Variants in ZNF385D observed in about 807,000 individuals in gnomAD.
The protein encoded by ZNF385D is zinc finger protein 659.
A neutral mutation model predicts 35.8 loss-of-function variants in ZNF385D; 15 were observed. That is an observed-to-expected ratio of 0.42 (90% confidence interval 0.28 to 0.64). The LOEUF is 0.64. ZNF385D is among the 30% of genes least tolerant of loss of function. The pLI is 0.23. For synonymous variants in ZNF385D, 212 were observed against 186.8 expected (o/e 1.13, Z -1.10); for missense variants, 474 against 494.6 (o/e 0.96, Z 0.39).
At chr3:22,346,150 T>G (rs1695650137) in intron 2 of ZNF385D, among the ~76,000 whole-genome samples, 1 of 152,226 alleles carries the variant, frequency 6.6e-6, no homozygotes, top group South Asian at 2.1e-4. Context: ...TATTTTCATA[T>G]TTCCCACTCC....
intron 4 of ZNF385D, among the ~76,000 whole-genome samples, chr3:21,484,843 C>A (rs146935741): frequency 1.8e-3 from 269 of 152,274 alleles, no homozygotes; most frequent in Middle Eastern, 0.01. Flanking sequence ...TGTCTTGGGA[C>A]TATTTTGTCT....
At chr3:21,456,340 C>G (rs530581621) in intron 4 of ZNF385D, among the ~76,000 whole-genome samples, 7 of 152,102 alleles carry the variant, frequency 4.6e-5, no homozygotes, top group Admixed American at 1.3e-4. Context: ...CTAACCCAAA[C>G]GTCCAACAAT....
intron 3 of ZNF385D, among the ~76,000 whole-genome samples, chr3:22,149,433 G>A (rs1705082657): frequency 6.6e-6 from 1 of 152,158 alleles, no homozygotes; most frequent in African/African-American, 2.4e-5. Context: ...ACATAGGGCA[G>A]TGATTCTTAA....
At chr3:21,912,437 T>C (rs973713485) in intron 3 of ZNF385D, among the ~76,000 whole-genome samples, 1 of 152,064 alleles carries the variant, frequency 6.6e-6, no homozygotes, top group Admixed American at 6.6e-5. Context: ...GAGTACCAGA[T>C]ACCTGCTTGA....
intron 3 of ZNF385D, among the ~76,000 whole-genome samples, chr3:21,766,885 T>C (rs946024604): frequency 2.0e-5 from 3 of 152,084 alleles, no homozygotes; most frequent in African/African-American, 7.2e-5. Context: ...TTTGTGGCTA[T>C]GGGTAAAGAA....
chr3:21,858,528 C>G (rs1320064172), intron 3 of ZNF385D, among the ~76,000 whole-genome samples: 2 of 150,406 alleles, frequency 1.3e-5, no homozygotes, highest in Non-Finnish European at 2.9e-5. Context: ...AAAGAGGACC[C>G]AAAGAATTTG....
chr3:21,892,699 CT>C (rs770675051), intron 3 of ZNF385D, among the ~76,000 whole-genome samples: 60 of 152,204 alleles, frequency 3.9e-4, no homozygotes, highest in Non-Finnish European at 6.6e-4. Flanking sequence ...GACATTCACT[CT>C]CTCCACCAGT....
chr3:21,780,284 G>C (rs1335877000), intron 3 of ZNF385D, among the ~76,000 whole-genome samples: 2 of 151,856 alleles, frequency 1.3e-5, no homozygotes, highest in Admixed American at 6.6e-5. Context: ...GAAAGTAATA[G>C]ATTAATACAG....
intron 2 of ZNF385D, among the ~76,000 whole-genome samples, chr3:22,287,518 G>A (rs1702086767): frequency 6.6e-6 from 1 of 151,690 alleles, no homozygotes; most frequent in Non-Finnish European, 1.5e-5. Flanking sequence ...TATCTTTTGT[G>A]TACCTACTAT....
chr3:22,003,211 A>G (rs1695961324), intron 3 of ZNF385D, among the ~76,000 whole-genome samples: 2 of 152,362 alleles, frequency 1.3e-5, no homozygotes, highest in Admixed American at 6.5e-5. Flanking sequence ...AGAACTGACA[A>G]AAGAATTCAG....
At chr3:21,435,347 T>G (rs542386531) in intron 5 of ZNF385D, among the ~76,000 whole-genome samples, 1 of 141,096 alleles carries the variant, frequency 7.1e-6, no homozygotes, top group South Asian at 2.3e-4. Flanking sequence ...AGCCTCAACC[T>G]CCTAGGTTCA....
At chr3:21,461,497 G>T (rs768715365) in intron 4 of ZNF385D, among the ~76,000 whole-genome samples, 1 of 152,106 alleles carries the variant, frequency 6.6e-6, no homozygotes, top group African/African-American at 2.4e-5. Flanking sequence ...GCAGTGAGCC[G>T]AGCTCGTGCC....
intron 3 of ZNF385D, among the ~76,000 whole-genome samples, chr3:21,820,807 T>A (rs1476032419): frequency 6.8e-6 from 1 of 146,494 alleles, no homozygotes; most frequent in African/African-American, 2.5e-5. Context: ...GAGGACATTG[T>A]GTGTGTCAAG....
intron 3 of ZNF385D, among the ~76,000 whole-genome samples, chr3:21,909,444 C>G (rs181575166): frequency 6.6e-6 from 1 of 152,172 alleles, no homozygotes; most frequent in Admixed American, 6.6e-5. Context: ...GAAGCCTGTT[C>G]TCTCAGCTTA....
intron 3 of ZNF385D, among the ~76,000 whole-genome samples, chr3:22,009,497 C>T (rs1283428854): frequency 1.3e-5 from 2 of 151,322 alleles, no homozygotes; most frequent in Non-Finnish European, 2.9e-5. Context: ...GTGTCGGGTG[C>T]CTATAGTCCC....
At chr3:21,866,694 A>G (rs1697384278) in intron 3 of ZNF385D, among the ~76,000 whole-genome samples, 1 of 152,168 alleles carries the variant, frequency 6.6e-6, no homozygotes, top group Non-Finnish European at 1.5e-5. Flanking sequence ...GCTATAGAGT[A>G]ACTTGTTTTG....
intron 2 of ZNF385D, among the ~76,000 whole-genome samples, chr3:22,359,165 C>A (rs1035586665): frequency 2.6e-5 from 4 of 151,068 alleles, no homozygotes; most frequent in African/African-American, 7.3e-5. Context: ...AAATGAAAAT[C>A]CAATGTTGAA....
At chr3:22,176,207 G>T (rs907060733) in intron 2 of ZNF385D, among the ~76,000 whole-genome samples, 3 of 152,046 alleles carry the variant, frequency 2.0e-5, no homozygotes, top group African/African-American at 7.2e-5. Context: ...TGGTGTGTGT[G>T]TGTGTACAGC....
intron 3 of ZNF385D, among the ~76,000 whole-genome samples, chr3:21,870,156 A>G (rs1190545133): frequency 1.3e-5 from 2 of 152,168 alleles, no homozygotes; most frequent in Admixed American, 6.5e-5. Context: ...TGCTTCAGGA[A>G]TTATTTTTCC....
Sources: allele counts gnomAD v4.1 joint callset (sites outside exome capture counted in the v4.1 genomes callset), GRCh38; gene constraint gnomAD v4.1.1; transcripts MANE v1.5; gene names NCBI Gene and HGNC (gene_info 2026-07-23, HGNC 2026-07-21).